GNG2: variants seen among roughly 807,000 people sequenced by gnomAD.
The protein encoded by GNG2 is guanine nucleotide-binding protein G(I)/G(S)/G(O) subunit gamma-2.
A neutral mutation model predicts 5.5 loss-of-function variants in GNG2; 5 were observed. That is an observed-to-expected ratio of 0.91 (90% CI 0.48 to 1.92). GNG2 has a LOEUF of 1.92. GNG2 is among the 30% of genes most tolerant of loss of function. GNG2 has a pLI of 0.01. For missense variants in GNG2, 55 were observed against 88.4 expected (o/e 0.62, Z 1.52); for synonymous variants, 28 against 32.0 (o/e 0.88, Z 0.42).
chr14:51,877,739 A>C, intron 2 of GNG2, 82 bp downstream of exon 2: 6 of 407,606 alleles, frequency 1.5e-5, no homozygotes, highest in Non-Finnish European at 2.5e-5. Flanking sequence ...AGTGGTCTAT[A>C]GATGAAAGCA....
Position 51,967,271 on chromosome 14 carries a change from A to G in GNG2, c.*584A>G, listed in dbSNP as rs968033104. ...TGAACTCCAAGAATGATCACACAAA[A>G]TGTTTAGGGAGATGTTCCCCGTGGT... On this transcript the variant is annotated 3_prime_UTR_variant, in exon 4 of 4. Transcript: ENST00000556766. The G allele has an allele frequency of 6.6e-6, 1 of 152,242 alleles. No homozygotes were observed. The highest frequency in any genetic ancestry group is 1.5e-5 in the Non-Finnish European group (1 of 68,152). The allele number at this position is 152,242 out of a possible 1,614,324, so 9.4% of individuals were successfully genotyped here. A position where few individuals can be genotyped will look rare whatever the true frequency, so the allele number is the denominator to read the frequency against.
intron 3 of GNG2, among the ~76,000 whole-genome samples, chr14:51,963,435 C>T (rs1308277279): frequency 3.9e-5 from 6 of 152,160 alleles, no homozygotes; most frequent in Admixed American, 3.9e-4. Flanking sequence ...TCTCCACTGC[C>T]TAACAGCTAA....
chr14:51,878,534 T>A (rs1303652971), intron 2 of GNG2, among the ~76,000 whole-genome samples: 1 of 151,184 alleles, frequency 6.6e-6, no homozygotes, highest in Non-Finnish European at 1.5e-5. Context: ...CAGCAAATGC[T>A]AAAAAAAAAT....
At chr14:51,843,373 A>G (rs566350524) in intron 2 of GNG2, among the ~76,000 whole-genome samples, 6 of 152,240 alleles carry the variant, frequency 3.9e-5, no homozygotes, top group African/African-American at 1.4e-4. Context: ...CTCATATAGA[A>G]CAATGAGAAC....
chr14:51,836,499 GCTTTTAAAA>G (rs1881336213), intron 2 of GNG2, among the ~76,000 whole-genome samples: 1 of 152,044 alleles, frequency 6.6e-6, no homozygotes, highest in Non-Finnish European at 1.5e-5. Context: ...ATATGAAAAT[GCTTTTAAAA>G]ATATAAAAAG....
chr14:51,851,309 A>G (rs1014153205), intron 2 of GNG2, among the ~76,000 whole-genome samples: 3 of 152,252 alleles, frequency 2.0e-5, no homozygotes, highest in Admixed American at 2.0e-4. Context: ...CACAAAATCT[A>G]CACAGAAATC....
At chr14:51,923,057 G>T (rs894659593) in intron 2 of GNG2, among the ~76,000 whole-genome samples, 2 of 152,164 alleles carry the variant, frequency 1.3e-5, no homozygotes, top group African/African-American at 4.8e-5. Flanking sequence ...CCACGTACAG[G>T]GTGGTTTTGT....
intron 2 of GNG2, among the ~76,000 whole-genome samples, chr14:51,831,269 T>C (rs4898718): frequency 0.45 from 68,838 of 152,084 alleles, 16,289 homozygotes; most frequent in East Asian, 0.81. Flanking sequence ...TTTGCCAACA[T>C]CTAATTATTA....
chr14:51,851,909 A>C (rs944623802), intron 2 of GNG2, among the ~76,000 whole-genome samples: 1 of 152,104 alleles, frequency 6.6e-6, no homozygotes, highest in Non-Finnish European at 1.5e-5. Context: ...AGGTAATGTC[A>C]TTTTTCCACT....
At chr14:51,876,353 C>T (rs1467756116) in intron 1 of GNG2, among the ~76,000 whole-genome samples, 1 of 152,138 alleles carries the variant, frequency 6.6e-6, no homozygotes, top group Non-Finnish European at 1.5e-5. Context: ...GATAATTCTT[C>T]TTTGTCCACA....
intron 3 of GNG2, among the ~76,000 whole-genome samples, chr14:51,954,881 A>G (rs1254028867): frequency 6.6e-6 from 1 of 152,132 alleles, no homozygotes; most frequent in African/African-American, 2.4e-5. Flanking sequence ...CTAGAGTGCC[A>G]TCTCTGTTCC....
chr14:51,957,663 A>T (rs1889350410), intron 3 of GNG2, among the ~76,000 whole-genome samples: 1 of 152,186 alleles, frequency 6.6e-6, no homozygotes, highest in Non-Finnish European at 1.5e-5. Flanking sequence ...TAACCCTGAG[A>T]TCCCATTTAA....
chr14:51,849,010 A>G (rs1881778857), intron 2 of GNG2, among the ~76,000 whole-genome samples: 1 of 152,196 alleles, frequency 6.6e-6, no homozygotes, highest in Non-Finnish European at 1.5e-5. Context: ...GTTTCATACA[A>G]TATATACTTT....
At chr14:51,881,521 A>G (rs531012817) in intron 2 of GNG2, among the ~76,000 whole-genome samples, 2 of 152,172 alleles carry the variant, frequency 1.3e-5, no homozygotes, top group South Asian at 2.1e-4. Flanking sequence ...GCAAAACCAC[A>G]CTGAGAAATC....
intron 2 of GNG2, among the ~76,000 whole-genome samples, chr14:51,840,446 C>A (rs1881451412): frequency 6.6e-6 from 1 of 152,158 alleles, no homozygotes; most frequent in Admixed American, 6.5e-5. Context: ...CTTGGTTCTC[C>A]ACTCTGGATG....
chr14:51,848,258 C>T (rs999332293), intron 2 of GNG2, among the ~76,000 whole-genome samples: 1 of 152,168 alleles, frequency 6.6e-6, no homozygotes, highest in African/African-American at 2.4e-5. Flanking sequence ...AGGCCCTCCT[C>T]ATTGTTCTAG....
chr14:51,873,049 G>A (rs1247207582), intron 1 of GNG2, among the ~76,000 whole-genome samples: 1 of 152,108 alleles, frequency 6.6e-6, no homozygotes, highest in Non-Finnish European at 1.5e-5. Flanking sequence ...ATTATCTCCA[G>A]TGTACAAACT....
At chr14:51,904,870 A>G (rs1885808876) in intron 2 of GNG2, among the ~76,000 whole-genome samples, 1 of 152,212 alleles carries the variant, frequency 6.6e-6, no homozygotes, top group Non-Finnish European at 1.5e-5. Flanking sequence ...TTGATATATG[A>G]GACATCTTCA....
At chr14:51,946,049 C>CT (rs1888625423) in intron 2 of GNG2, among the ~76,000 whole-genome samples, 1 of 152,260 alleles carries the variant, frequency 6.6e-6, no homozygotes, top group Non-Finnish European at 1.5e-5. Flanking sequence ...CATGTGTTGT[C>CT]TTTTTTAACA....
Sources: allele counts gnomAD v4.1 joint callset (sites outside exome capture counted in the v4.1 genomes callset), GRCh38; gene constraint gnomAD v4.1.1; transcripts MANE v1.5; gene names NCBI Gene and HGNC (gene_info 2026-07-23, HGNC 2026-07-21).